PTPRN2: variants seen among roughly 807,000 people sequenced by gnomAD.
PTPRN2 encodes protein tyrosine phosphatase receptor type N2, also known as receptor-type tyrosine-protein phosphatase N2.
In PTPRN2, 74 loss-of-function variants were observed where a neutral mutation model predicts 118.8. The observed-to-expected ratio is 0.62, with a 90% CI of 0.52 to 0.76. The LOEUF (loss-of-function observed/expected upper bound fraction) is 0.76, where lower values mean the gene tolerates loss of function less well. Among genes scored for constraint, PTPRN2 ranks in the 30% least tolerant of loss-of-function variants. The pLI, the probability that PTPRN2 is intolerant of heterozygous loss-of-function variation, is 0.00. For synonymous variants in PTPRN2, 641 were observed against 608.0 expected (o/e 1.05, Z -0.80); for missense variants, 1,481 against 1,394.4 (o/e 1.06, Z -0.99).
In PTPRN2 at chr7:158,166,984, T is replaced by A; in HGVS notation, c.857A>T (p.Gln286Leu). The A allele has an allele frequency of 6.9e-7, 1 of 1,458,866 alleles. No homozygotes were observed. The highest frequency in any genetic ancestry group is 9.1e-7 in the Non-Finnish European group (1 of 1,100,706). 90.4% of individuals were successfully genotyped at this position (1,458,866 alleles called of 1,614,324 possible). A position where few individuals can be genotyped will look rare whatever the true frequency, so the allele number is the denominator to read the frequency against. Reference protein sequence around the residue: ...PRPLLAPAAPQKWPSPLGDSE... With the variant: ...PRPLLAPAAPLKWPSPLGDSE... The stretch of plus-strand genomic sequence containing the variant: ...ATCTCCCAGAGGTGAAGGCCACTTC[T>A]GGGGGGCGGCTGGTGCCAGCAAAGG... Residue 286 changes from glutamine (Q) to leucine (L), a missense_variant, in exon 6 of 23, where the codon CAG (glutamine) becomes CTG (leucine). Gln to Leu is a moderately radical substitution (Grantham distance 113, BLOSUM62 -2). Coordinates refer to ENST00000389418, the MANE Select transcript of PTPRN2 (RefSeq NM_002847.5).
At chr7:157,747,904 C>T (rs140630409) in intron 12 of PTPRN2, among the ~76,000 whole-genome samples, 6 of 138,066 alleles carry the variant, frequency 4.3e-5, no homozygotes, top group African/African-American at 9.1e-5. Flanking sequence ...CTGAGGCCTG[C>T]GTCCCTGAGG....
At chr7:158,244,781 TGA>T (rs1214867594) in intron 3 of PTPRN2, among the ~76,000 whole-genome samples, 5 of 151,742 alleles carry the variant, frequency 3.3e-5, no homozygotes, top group African/African-American at 9.7e-5. Context: ...TGGGTGTGTG[TGA>T]GTTGTGTGAG....
chr7:157,820,293 TCACA>T (rs748497657), intron 12 of PTPRN2, among the ~76,000 whole-genome samples: 1 of 128,594 alleles, frequency 7.8e-6, no homozygotes, highest in African/African-American at 3.0e-5. Context: ...CACACCCATG[TCACA>T]CACAGCAGAC....
intron 16 of PTPRN2, 150 bp from the exon 17 acceptor site, chr7:157,595,465 G>A (rs75482660): frequency 0.018 from 11,507 of 627,238 alleles, 433 homozygotes; most frequent in East Asian, 0.12. Context: ...GGAAACCTGG[G>A]GGTTAGGAAG....
In PTPRN2 at chr7:157,679,686, G is replaced by A. The variant is rs116531756; in HGVS notation, c.2001+3039C>T. Reference sequence around the variant, plus strand: ...GGGCCCCCTGTGGTCCCAAGCCCAGGCTCTGACTCACACACACAGGGGTCG... The same window carrying A: ...GGGCCCCCTGTGGTCCCAAGCCCAGACTCTGACTCACACACACAGGGGTCG... On this transcript the variant is annotated intron_variant, in intron 13 of 22. Transcript: ENST00000389418. Among the ~76,000 whole-genome samples, 472 of 152,198 alleles carry A rather than the reference G, an allele frequency of 3.1e-3. 2 individuals carry two copies. Among genetic ancestry groups the A allele is most frequent in the African/African-American group, 0.011 (458 of 41,508 alleles).
intron 11 of PTPRN2, among the ~76,000 whole-genome samples, chr7:157,970,636 A>ACCC (rs10624378): frequency 0.018 from 1,985 of 111,414 alleles, 124 homozygotes; most frequent in East Asian, 0.1. Context: ...CTCAGAGCGG[A>ACCC]CCCCCCCCCC....
intron 6 of PTPRN2, among the ~76,000 whole-genome samples, chr7:158,163,476 T>C (rs72505555): frequency 0.14 from 21,251 of 148,164 alleles, 1,779 homozygotes; most frequent in African/African-American, 0.26. Context: ...CTGCGTGTTT[T>C]GTAGGTGATA....
At chr7:157,909,622 G>A (rs1797971671) in intron 11 of PTPRN2, among the ~76,000 whole-genome samples, 2 of 152,246 alleles carry the variant, frequency 1.3e-5, no homozygotes, top group Non-Finnish European at 2.9e-5. Context: ...TGTACCTGCT[G>A]TTTGTTCCTG....
At chr7:157,578,458 A>G (rs1448578496) in intron 17 of PTPRN2, among the ~76,000 whole-genome samples, 3 of 152,182 alleles carry the variant, frequency 2.0e-5, no homozygotes, top group Non-Finnish European at 4.4e-5. Context: ...CACACATAAC[A>G]GCCAGCACTT....
intron 12 of PTPRN2, among the ~76,000 whole-genome samples, chr7:157,727,642 T>C (rs1056701967): frequency 1.1e-4 from 16 of 152,224 alleles, no homozygotes; most frequent in African/African-American, 3.9e-4. Flanking sequence ...CATACAATGC[T>C]AAGAGGCGTG....
chr7:157,614,364 G>A (rs964968548), intron 15 of PTPRN2, among the ~76,000 whole-genome samples: 13 of 152,132 alleles, frequency 8.5e-5, no homozygotes, highest in Non-Finnish European at 1.6e-4. Context: ...TCCACATGGA[G>A]AGTCTGTGAT....
At chr7:158,236,497 G>A (rs1403019011) in intron 3 of PTPRN2, among the ~76,000 whole-genome samples, 4 of 152,170 alleles carry the variant, frequency 2.6e-5, no homozygotes, top group Admixed American at 6.5e-5. Context: ...CCGAAGGTGG[G>A]GTCTGCCCTG....
At chr7:158,513,702 T>C (rs1823337745) in intron 1 of PTPRN2, among the ~76,000 whole-genome samples, 1 of 152,128 alleles carries the variant, frequency 6.6e-6, no homozygotes, top group Non-Finnish European at 1.5e-5. Flanking sequence ...AACACAGAAA[T>C]AGGTTTATGC....
intron 3 of PTPRN2, among the ~76,000 whole-genome samples, chr7:158,262,527 GCA>G (rs1329483015): frequency 1.9e-5 from 2 of 107,942 alleles, no homozygotes; most frequent in East Asian, 3.0e-4. Flanking sequence ...TTCACACACT[GCA>G]CACATACACA....
chr7:158,255,760 C>A (rs1048323443), intron 3 of PTPRN2, among the ~76,000 whole-genome samples: 1 of 136,366 alleles, frequency 7.3e-6, no homozygotes, highest in Non-Finnish European at 1.5e-5. Context: ...AAGCTCCTGG[C>A]CACTCTTTTC....
chr7:158,305,766 G>C (rs1801239532), intron 3 of PTPRN2, among the ~76,000 whole-genome samples: 1 of 148,698 alleles, frequency 6.7e-6, no homozygotes, highest in Admixed American at 6.7e-5. Flanking sequence ...TTAACTAAAG[G>C]CTAGCAGAAA....
intron 12 of PTPRN2, among the ~76,000 whole-genome samples, chr7:157,790,083 G>C (rs1340340053): frequency 7.2e-6 from 1 of 139,404 alleles, no homozygotes; most frequent in Non-Finnish European, 1.5e-5. Context: ...TGTGTGTGTG[G>C]TGTGTGTGGT....
Position 158,012,058 on chromosome 7 carries a change from C to T in PTPRN2, c.1723+69240G>A, listed in dbSNP as rs1476636360. ...TTTCTGAATGTGGATGAAGCTGCCC[C>T]GATCCCGAGTTTGTAGGAGAGCCAT... On this transcript the variant is annotated intron_variant, in intron 11 of 22. Transcript: ENST00000389418. Among the ~76,000 whole-genome samples the T allele has an allele frequency of 5.3e-5, 8 of 152,278 alleles. No homozygotes were observed. The East Asian group carries it at 7.7e-4, about 15-fold the overall frequency.
intron 12 of PTPRN2, among the ~76,000 whole-genome samples, chr7:157,774,441 G>C (rs1164231911): frequency 6.6e-6 from 1 of 152,208 alleles, no homozygotes; most frequent in East Asian, 1.9e-4. Flanking sequence ...GGGTTTAGAA[G>C]GGATAAACCA....
Sources: gnomAD v4.1 joint callset for allele counts (sites outside exome capture counted in the v4.1 genomes callset) on GRCh38, gnomAD v4.1.1 for gene constraint, MANE v1.5 for transcripts, NCBI Gene and HGNC (gene_info 2026-07-23, HGNC 2026-07-21) for gene names.